Variants in SAMD12 observed in about 807,000 individuals in gnomAD.
SAMD12 encodes sterile alpha motif domain containing 12.
In SAMD12, 9 loss-of-function variants were observed where a neutral mutation model predicts 15.0. The ratio of observed to expected loss-of-function variants is 0.60; its 90% CI spans 0.36 to 1.05. The LOEUF (loss-of-function observed/expected upper bound fraction) is 1.05, where lower values mean the gene tolerates loss of function less well. Ranked by LOEUF, SAMD12 falls within the 50% of genes least tolerant of loss-of-function variation. The pLI, the probability that SAMD12 is intolerant of heterozygous loss-of-function variation, is 0.01. For missense variants in SAMD12, 230 were observed against 234.2 expected (o/e 0.98, Z 0.12); for synonymous variants, 86 against 90.1 (o/e 0.96, Z 0.25).
chr8:118,510,146 T>C (rs1024213493), intron 2 of SAMD12, among the ~76,000 whole-genome samples: 1 of 152,106 alleles, frequency 6.6e-6, no homozygotes. Context: ...CAGTAATCTT[T>C]TAAAACAGTT....
At chr8:118,438,056 T>C (rs78739708) in intron 3 of SAMD12, among the ~76,000 whole-genome samples, 229 of 152,308 alleles carry the variant, frequency 1.5e-3, no homozygotes, top group African/African-American at 5.2e-3. Flanking sequence ...AACTGATTGA[T>C]TACAGTTAGG....
chr8:118,355,674 T>C (rs1818195035), intron 4 of SAMD12, among the ~76,000 whole-genome samples: 1 of 152,208 alleles, frequency 6.6e-6, no homozygotes, highest in Non-Finnish European at 1.5e-5. Context: ...CCTCTTTATG[T>C]ACACAGAAAG....
chr8:118,308,320 T>C (rs529774527), intron 4 of SAMD12, among the ~76,000 whole-genome samples: 1 of 152,172 alleles, frequency 6.6e-6, no homozygotes, highest in Non-Finnish European at 1.5e-5. Context: ...ATGGTGATGA[T>C]GACGATGGCA....
chr8:118,171,231 T>C, the SAMD12 span, among the ~76,000 whole-genome samples: 4 of 152,202 alleles, frequency 2.6e-5, no homozygotes, highest in South Asian at 2.1e-4. Context: ...GGTGGGAATG[T>C]AAAATGGTTC....
At chr8:118,479,045 A>T (rs76536382) in intron 2 of SAMD12, among the ~76,000 whole-genome samples, 18,415 of 149,832 alleles carry the variant, frequency 0.12, 1,410 homozygotes, top group Non-Finnish European at 0.16. Context: ...CTTTTGCACA[A>T]AACTCGGCAT....
At chr8:118,261,006 C>T (rs1355130866) in intron 4 of SAMD12, among the ~76,000 whole-genome samples, 2 of 152,038 alleles carry the variant, frequency 1.3e-5, no homozygotes, top group Non-Finnish European at 2.9e-5. Context: ...TTTAGTATTC[C>T]AGTCTCTAAC....
the SAMD12 span, among the ~76,000 whole-genome samples, chr8:118,173,633 C>CTTTT: frequency 7.2e-6 from 1 of 139,358 alleles, no homozygotes; most frequent in Non-Finnish European, 1.5e-5. Context: ...ATATCCATAA[C>CTTTT]TTTTTTTTTT....
chr8:118,164,991 G>A, the SAMD12 span, among the ~76,000 whole-genome samples: 1 of 151,756 alleles, frequency 6.6e-6, no homozygotes, highest in Non-Finnish European at 1.5e-5. Flanking sequence ...GTGTGTGTGT[G>A]TGTGTGTGTG....
chr8:118,299,826 T>C, intron 4 of SAMD12, among the ~76,000 whole-genome samples: 1 of 152,050 alleles, frequency 6.6e-6, no homozygotes, highest in East Asian at 1.9e-4. Flanking sequence ...TAAACCAACT[T>C]AGTTTTTTGT....
At chr8:118,335,360 T>C (rs1817007583) in intron 4 of SAMD12, among the ~76,000 whole-genome samples, 1 of 152,150 alleles carries the variant, frequency 6.6e-6, no homozygotes, top group Middle Eastern at 3.2e-3. Context: ...TCTCACCCAA[T>C]ACTGCAAAGT....
intron 4 of SAMD12, among the ~76,000 whole-genome samples, chr8:118,367,406 T>G (rs4876815): frequency 0.23 from 35,341 of 152,154 alleles, 4,326 homozygotes; most frequent in African/African-American, 0.29. Flanking sequence ...GTAGGGTCTA[T>G]ACTTATCCTC....
chr8:118,168,749 TC>T, the SAMD12 span, among the ~76,000 whole-genome samples: 1 of 152,036 alleles, frequency 6.6e-6, no homozygotes, highest in Non-Finnish European at 1.5e-5. Context: ...AATTTCAAGA[TC>T]AACTGACCGG....
chr8:118,435,306 C>T (rs980001176), intron 3 of SAMD12, among the ~76,000 whole-genome samples: 3 of 152,138 alleles, frequency 2.0e-5, no homozygotes, highest in Admixed American at 1.3e-4. Flanking sequence ...TATTATTAAT[C>T]GTTCTATTTT....
chr8:118,549,782 A>G (rs1293009247), intron 2 of SAMD12, among the ~76,000 whole-genome samples: 2 of 152,242 alleles, frequency 1.3e-5, no homozygotes, highest in Non-Finnish European at 2.9e-5. Flanking sequence ...AACTTTGAAA[A>G]AAATTTAGAC....
intron 1 of SAMD12, among the ~76,000 whole-genome samples, chr8:118,607,579 T>C (rs1443663967): frequency 1.3e-5 from 2 of 152,326 alleles, no homozygotes; most frequent in African/African-American, 4.8e-5. Flanking sequence ...TTATCAAATT[T>C]CAACTCTACT....
At chr8:118,318,741 T>G (rs1410134911) in intron 4 of SAMD12, among the ~76,000 whole-genome samples, 1 of 152,120 alleles carries the variant, frequency 6.6e-6, no homozygotes, top group Non-Finnish European at 1.5e-5. Flanking sequence ...TTGCTTGTAT[T>G]TGCTTGAGGG....
intron 2 of SAMD12, among the ~76,000 whole-genome samples, chr8:118,475,693 T>C (rs1328203648): frequency 6.6e-6 from 1 of 152,202 alleles, no homozygotes. Context: ...TAATAAATGT[T>C]AGTGAGGCTT....
chr8:118,444,120 AAAT>A (rs1184439293), intron 2 of SAMD12, among the ~76,000 whole-genome samples: 2 of 152,188 alleles, frequency 1.3e-5, no homozygotes, highest in Non-Finnish European at 2.9e-5. Flanking sequence ...GCCTAAGCCT[AAAT>A]AATAATAGTC....
chr8:118,387,238 G>T (rs1339858443), intron 3 of SAMD12, among the ~76,000 whole-genome samples: 1 of 152,172 alleles, frequency 6.6e-6, no homozygotes, highest in African/African-American at 2.4e-5. Flanking sequence ...TGGGATCACA[G>T]CTAACAGGTG....
Sources: gnomAD v4.1 joint callset for allele counts (sites outside exome capture counted in the v4.1 genomes callset) on GRCh38, gnomAD v4.1.1 for gene constraint, MANE v1.5 for transcripts, NCBI Gene and HGNC (gene_info 2026-07-23, HGNC 2026-07-21) for gene names.